Variants in LDLRAD4 observed in about 807,000 individuals in gnomAD.
LDLRAD4 encodes low-density lipoprotein receptor class A domain-containing protein 4.
In LDLRAD4, 5 loss-of-function variants were observed where a neutral mutation model predicts 17.0. The ratio of observed to expected loss-of-function variants is 0.29; its 90% CI spans 0.15 to 0.62. The LOEUF is 0.62. Ranked by LOEUF, LDLRAD4 falls within the 20% of genes least tolerant of loss-of-function variation. The probability of loss-of-function intolerance (pLI) is 0.84; values close to 1 mark genes in which losing one functional copy is unlikely to be tolerated. For synonymous variants in LDLRAD4, 168 were observed against 171.8 expected (o/e 0.98, Z 0.17); for missense variants, 340 against 424.7 (o/e 0.80, Z 1.75).
At chr18:13,487,294 A>G (rs1045030411) in intron 3 of LDLRAD4, 1 of 152,298 alleles carries the variant, frequency 6.6e-6, no homozygotes, top group African/African-American at 2.4e-5. Context: ...CTACACTTAC[A>G]GGTGGGCATT....
intron 3 of LDLRAD4, chr18:13,488,477 A>T (rs1346032414): frequency 2.0e-5 from 3 of 152,266 alleles, no homozygotes; most frequent in African/African-American, 7.2e-5. Flanking sequence ...GGGATGTGGC[A>T]AACCCCCTAT....
chr18:13,517,074 C>A (rs1179469939), intron 3 of LDLRAD4, among the ~76,000 whole-genome samples: 3 of 152,228 alleles, frequency 2.0e-5, no homozygotes, highest in Non-Finnish European at 4.4e-5. Context: ...TGGCCTTGAA[C>A]TCCTGGACTC....
chr18:13,264,322 C>T (rs761276779), intron 1 of LDLRAD4, among the ~76,000 whole-genome samples: 68 of 152,356 alleles, frequency 4.5e-4, no homozygotes, highest in Admixed American at 7.8e-4. Flanking sequence ...GCCCCGCCCC[C>T]GAGTTATCCT....
intron 1 of LDLRAD4, among the ~76,000 whole-genome samples, chr18:13,220,848 T>C (rs978135198): frequency 6.6e-6 from 1 of 152,174 alleles, no homozygotes; most frequent in Non-Finnish European, 1.5e-5. Flanking sequence ...TCCTTGTGCA[T>C]GGTTTCTGGC....
chr18:13,644,903 T>G (rs1484027846), intron 5 of LDLRAD4: 2 of 548,960 alleles, frequency 3.6e-6, no homozygotes, highest in Non-Finnish European at 6.4e-6. Context: ...TCAGCCCTCC[T>G]GGATGCGCTG....
At chr18:13,618,946 C>T (rs541358885) in intron 3 of LDLRAD4, among the ~76,000 whole-genome samples, 1 of 152,356 alleles carries the variant, frequency 6.6e-6, no homozygotes, top group Non-Finnish European at 1.5e-5. Flanking sequence ...TGGCTGACCC[C>T]TGCACAGACC....
At chr18:13,554,433 A>T (rs1163436761) in intron 3 of LDLRAD4, among the ~76,000 whole-genome samples, 1 of 152,170 alleles carries the variant, frequency 6.6e-6, no homozygotes, top group Non-Finnish European at 1.5e-5. Flanking sequence ...TTACCTTAAA[A>T]TGTAGCTTTA....
chr18:13,645,942 T>G lies in LDLRAD4; in HGVS notation c.*285T>G. 6.7e-6 allele frequency: 2 copies of G among 296,524 alleles called. No homozygotes were observed. The highest frequency in any genetic ancestry group is 1.2e-5 in the Non-Finnish European group (2 of 162,378). 18.4% of individuals were successfully genotyped at this position (296,524 alleles called of 1,614,324 possible). A position where few individuals can be genotyped will look rare whatever the true frequency, so the allele number is the denominator to read the frequency against. On this transcript the variant is annotated 3_prime_UTR_variant, in exon 6 of 6. Coordinates refer to ENST00000359446, the Ensembl canonical transcript of LDLRAD4. This position sits in a 1 kb window ranked among gnomAD's most constrained non-coding sequence, Gnocchi z 5.7. ...AACAGAGAACGGGATGCTTTGAAGA[T>G]ACCATGAAATAAAACCCACAGAGGT...
chr18:13,270,054 C>T (rs1020562701), intron 1 of LDLRAD4, among the ~76,000 whole-genome samples: 1 of 152,130 alleles, frequency 6.6e-6, no homozygotes, highest in African/African-American at 2.4e-5. Flanking sequence ...GTGCTGGTGT[C>T]TCCTGGGGGC....
intron 1 of LDLRAD4, among the ~76,000 whole-genome samples, chr18:13,333,816 A>G (rs1056399549): frequency 2.0e-5 from 3 of 152,214 alleles, no homozygotes; most frequent in Non-Finnish European, 2.9e-5. Flanking sequence ...GATTTATAAT[A>G]AGTCTTAAAG....
At chr18:13,344,186 G>C (rs1467154060) in intron 1 of LDLRAD4, among the ~76,000 whole-genome samples, 10 of 152,094 alleles carry the variant, frequency 6.6e-5, no homozygotes, top group Admixed American at 2.6e-4. Flanking sequence ...GTATTGCCTA[G>C]GTCTTCTTCT....
chr18:13,523,670 A>G (rs138313963), intron 3 of LDLRAD4, among the ~76,000 whole-genome samples: 1 of 152,240 alleles, frequency 6.6e-6, no homozygotes, highest in Non-Finnish European at 1.5e-5. Context: ...TGTACCATGC[A>G]GTTGCCTCCC....
intron 3 of LDLRAD4, among the ~76,000 whole-genome samples, chr18:13,619,825 G>C (rs138534517): frequency 1.9e-4 from 29 of 152,072 alleles, no homozygotes; most frequent in South Asian, 2.1e-4. Flanking sequence ...CCCTGCCTGC[G>C]GGGGCAGGGG....
At chr18:13,415,935 AG>A (rs1185813634) in intron 2 of LDLRAD4, among the ~76,000 whole-genome samples, 3 of 152,238 alleles carry the variant, frequency 2.0e-5, no homozygotes, top group East Asian at 3.9e-4. Flanking sequence ...GGTTGAGAGG[AG>A]GGGAACGTGC....
intron 1 of LDLRAD4, among the ~76,000 whole-genome samples, chr18:13,301,827 G>A (rs1243125274): frequency 6.6e-6 from 1 of 152,148 alleles, no homozygotes; most frequent in African/African-American, 2.4e-5. Context: ...TCCTTTCTCT[G>A]CAGGGTCTGA....
chr18:13,616,733 C>T (rs2040117100), intron 3 of LDLRAD4, among the ~76,000 whole-genome samples: 2 of 152,322 alleles, frequency 1.3e-5, no homozygotes, highest in East Asian at 3.9e-4. Flanking sequence ...GGAAGAGCTG[C>T]CTCCTGTGCC....
At chr18:13,333,484 T>G (rs1055885382) in intron 1 of LDLRAD4, among the ~76,000 whole-genome samples, 1 of 152,232 alleles carries the variant, frequency 6.6e-6, no homozygotes, top group Non-Finnish European at 1.5e-5. Flanking sequence ...TAAGAAATTG[T>G]TGCCATTCCG....
At chr18:13,289,632 A>G (rs1007193709) in intron 1 of LDLRAD4, among the ~76,000 whole-genome samples, 12 of 152,196 alleles carry the variant, frequency 7.9e-5, no homozygotes, top group African/African-American at 2.7e-4. Context: ...GCAAAGTAAA[A>G]GAGAGATGAG....
chr18:13,227,048 G>A (rs768360061), intron 1 of LDLRAD4, among the ~76,000 whole-genome samples: 7 of 152,174 alleles, frequency 4.6e-5, no homozygotes, highest in Non-Finnish European at 1.0e-4. Flanking sequence ...TGCCCCTAAG[G>A]ATGCAGACAG....
Sources: allele counts gnomAD v4.1 joint callset (sites outside exome capture counted in the v4.1 genomes callset), GRCh38; gene constraint gnomAD v4.1.1; non-coding constraint Gnocchi (gnomAD v3.1); transcripts MANE v1.5; gene names NCBI Gene and HGNC (gene_info 2026-07-23, HGNC 2026-07-21).